Variants in DGKB observed in about 807,000 individuals in gnomAD.
The protein encoded by DGKB is 90 kDa diacylglycerol kinase.
DGKB carries 67 observed loss-of-function variants against 114.3 expected under a neutral mutation model. The ratio of observed to expected loss-of-function variants is 0.59; its 90% confidence interval spans 0.48 to 0.72. The LOEUF is 0.72. Ranked by LOEUF, DGKB falls within the 30% of genes least tolerant of loss-of-function variation. DGKB has a pLI of 0.00. For missense variants in DGKB, 907 were observed against 975.2 expected, an observed-to-expected ratio of 0.93 and a Z score of 0.93; for synonymous variants, 398 against 323.1, an observed-to-expected ratio of 1.23 and a Z score of -2.49.
At chr7:14,258,819 C>T (rs1266455189) in intron 23 of DGKB, among the ~76,000 whole-genome samples, 1 of 152,066 alleles carries the variant, frequency 6.6e-6, no homozygotes, top group Non-Finnish European at 1.5e-5. Context: ...AATCCATAGC[C>T]CTAGGGTACG....
chr7:14,462,149 C>T (rs966866358), intron 21 of DGKB, among the ~76,000 whole-genome samples: 7 of 151,486 alleles, frequency 4.6e-5, no homozygotes, highest in Non-Finnish European at 1.0e-4. Flanking sequence ...AGCCAATATC[C>T]TACTGAATGG....
chr7:14,238,473 C>A (rs1793144022), intron 23 of DGKB, among the ~76,000 whole-genome samples: 1 of 132,534 alleles, frequency 7.5e-6, no homozygotes, highest in Non-Finnish European at 1.6e-5. Context: ...TATAGCCGTG[C>A]AAAAACAGAC....
intron 1 of DGKB, among the ~76,000 whole-genome samples, chr7:14,930,053 G>C (rs953361912): frequency 5.9e-5 from 9 of 151,976 alleles, no homozygotes; most frequent in African/African-American, 1.9e-4. Flanking sequence ...TTTATTTCTG[G>C]GTTCTCTATT....
chr7:14,495,925 A>C (rs55897934), intron 20 of DGKB, among the ~76,000 whole-genome samples: 7,188 of 151,792 alleles, frequency 0.047, 533 homozygotes, highest in African/African-American at 0.16. Flanking sequence ...TGACCACACA[A>C]AAAAAAGAGA....
chr7:14,736,095 T>C lies in DGKB; in HGVS notation c.268A>G (p.Lys90Glu), dbSNP rs375792063. ...ACCATTGGACTAGAATGAGGAAACT[T>C]GTTGCTAAATGACATGAAAAGGTGT... ...TAHLFMSFSN[K>E]FPHSSPMVKS... Residue 90 changes from lysine (K) to glutamate (E), a missense_variant, in exon 5 of 26, where the codon AAG becomes GAG. By Grantham distance (56) the Lys-to-Glu change is moderately conservative (BLOSUM62 1). Coordinates refer to ENST00000402815, the MANE Select transcript of DGKB (RefSeq NM_001350709.2). 9 of 1,610,530 alleles carry C rather than the reference T, an allele frequency of 5.6e-6. No individual in the cohort carries two copies. Among genetic ancestry groups the C allele is most frequent in the Non-Finnish European group, 6.8e-6 (8 of 1,177,872 alleles).
intron 14 of DGKB, among the ~76,000 whole-genome samples, chr7:14,625,862 A>G (rs1182149915): frequency 6.6e-6 from 1 of 152,242 alleles, no homozygotes; most frequent in African/African-American, 2.4e-5. Flanking sequence ...GCATTTTCAA[A>G]TATCAACCAT....
At chr7:14,269,258 C>A (rs1323243785) in intron 23 of DGKB, 1 of 152,208 alleles carries the variant, frequency 6.6e-6, no homozygotes, top group East Asian at 1.9e-4. Context: ...TTTCTGCAAT[C>A]ACACACTAAC....
intron 21 of DGKB, among the ~76,000 whole-genome samples, chr7:14,349,976 G>C (rs947864628): frequency 1.3e-5 from 2 of 152,008 alleles, no homozygotes; most frequent in African/African-American, 4.8e-5. Context: ...AGTAACAAAG[G>C]TTCTGTAAAC....
intron 23 of DGKB, among the ~76,000 whole-genome samples, chr7:14,257,173 T>G (rs1796073616): frequency 6.6e-6 from 1 of 152,066 alleles, no homozygotes; most frequent in African/African-American, 2.4e-5. Context: ...TTTATTAGAA[T>G]AAAATAAAAA....
chr7:14,959,112 T>C (rs1013140168), intron 1 of DGKB, among the ~76,000 whole-genome samples: 3 of 152,152 alleles, frequency 2.0e-5, no homozygotes, highest in Non-Finnish European at 4.4e-5. Flanking sequence ...AAGCGTGACA[T>C]CTTTAAAAAT....
rs1159904050 is a variant in DGKB at position 14,901,618 on chromosome 7, C to T, written c.-188+974G>A. Among the ~76,000 whole-genome samples, 8 of 145,888 alleles carry T rather than the reference C, an allele frequency of 5.5e-5. No homozygotes were observed. In the Middle Eastern group the frequency reaches 0.01, roughly 189 times the overall value. ...TGAGGGATTTCCACCCCCCCCCACC[C>T]CCCACTGCCCCACCACCACTGTAAA... is the stretch of plus-strand genomic sequence containing the variant. On this transcript the variant is annotated intron_variant, in intron 1 of 25. Transcript: ENST00000402815.
At position 14,534,742 on chromosome 7, in the gene DGKB, T is replaced by C. The variant is rs572099215; in HGVS notation, c.1770+39470A>G. On this transcript the variant is annotated intron_variant, in intron 20 of 25. Transcript: ENST00000402815. ...AAAATACAAGAGACAAAAAGTAGAA[T>C]ACATTTTCTTTTAAAGCACACACAG... Among the ~76,000 whole-genome samples the C allele has an allele frequency of 1.3e-5, 2 of 152,236 alleles. 1 individual carries two copies. Among genetic ancestry groups the C allele is most frequent in the South Asian group, 4.1e-4 (2 of 4,822 alleles).
At chr7:14,507,272 T>G (rs541708291) in intron 20 of DGKB, among the ~76,000 whole-genome samples, 27 of 152,306 alleles carry the variant, frequency 1.8e-4, no homozygotes, top group Middle Eastern at 3.4e-3. Flanking sequence ...CAATTCAGAA[T>G]CTAGTATCTT....
At chr7:14,370,285 T>C (rs946198335) in intron 21 of DGKB, among the ~76,000 whole-genome samples, 10 of 152,108 alleles carry the variant, frequency 6.6e-5, no homozygotes, top group Non-Finnish European at 1.2e-4. Context: ...CCGAGGCCTC[T>C]GTTGTGTTCC....
intron 21 of DGKB, among the ~76,000 whole-genome samples, chr7:14,417,971 C>T (rs1460961728): frequency 2.0e-5 from 3 of 151,166 alleles, no homozygotes; most frequent in African/African-American, 7.3e-5. Context: ...GAGTTATAAA[C>T]ATAAGTAAAC....
intron 1 of DGKB, among the ~76,000 whole-genome samples, chr7:14,916,306 C>G (rs1313632750): frequency 6.6e-6 from 1 of 151,616 alleles, no homozygotes; most frequent in Non-Finnish European, 1.5e-5. Flanking sequence ...AGAGCAAGTG[C>G]AATGTGTAAG....
intron 5 of DGKB, among the ~76,000 whole-genome samples, chr7:14,725,396 T>C (rs993078750): frequency 2.6e-5 from 4 of 152,062 alleles, no homozygotes; most frequent in Admixed American, 2.6e-4. Context: ...TATATATAAG[T>C]ATGGGACAAA....
At chr7:14,896,428 C>T (rs188391538) in intron 1 of DGKB, among the ~76,000 whole-genome samples, 66 of 151,536 alleles carry the variant, frequency 4.4e-4, no homozygotes, top group African/African-American at 1.4e-3. Flanking sequence ...TGAAATCTTA[C>T]AAAGTGTTTA....
chr7:14,335,201 T>C (rs1331353166), intron 23 of DGKB, among the ~76,000 whole-genome samples: 1 of 152,190 alleles, frequency 6.6e-6, no homozygotes, highest in Non-Finnish European at 1.5e-5. Context: ...ATGTACAGCT[T>C]AATATAAATA....
Sources: gnomAD v4.1 joint callset for allele counts (sites outside exome capture counted in the v4.1 genomes callset) on GRCh38, gnomAD v4.1.1 for gene constraint, MANE v1.5 for transcripts, NCBI Gene and HGNC (gene_info 2026-07-23, HGNC 2026-07-21) for gene names.